HCRTR1: variants seen among roughly 807,000 people sequenced by gnomAD.
HCRTR1 encodes the protein orexin/Hypocretin receptor type 1.
A neutral mutation model predicts 40.6 loss-of-function variants in HCRTR1; 28 were observed. The observed-to-expected ratio is 0.69, with a 90% CI of 0.51 to 0.95. The LOEUF is 0.95. HCRTR1 is among the 40% of genes least tolerant of loss of function. The pLI is 0.00. For missense variants in HCRTR1, 482 were observed against 564.7 expected (o/e 0.85, Z 1.48); for synonymous variants, 209 against 230.0 (o/e 0.91, Z 0.83).
chr1:31,619,241 A>G lies in HCRTR1; in HGVS notation c.49A>G (p.Ser17Gly), dbSNP rs755833014. The change falls in exon 3 of 9, where the codon AGC (serine) becomes GGC (glycine). Residue 17 changes from serine to glycine, a missense_variant. Coordinates refer to ENST00000403528, the MANE Select transcript of HCRTR1 (RefSeq NM_001525.3). ...GGCCCAGATGGGGGTCCCCCCTGGCAGCAGAGAGCCGTCCCCTGTGCCTCC... is the reference window on the plus strand; with the variant it reads ...GGCCCAGATGGGGGTCCCCCCTGGCGGCAGAGAGCCGTCCCCTGTGCCTCC... Reference protein sequence around the residue: ...PGAQMGVPPGSREPSPVPPDY... With the variant: ...PGAQMGVPPGGREPSPVPPDY... 3.7e-6 allele frequency: 6 copies of G among 1,613,686 alleles called. No homozygotes were observed. Among genetic ancestry groups the G allele is most frequent in the Non-Finnish European group, 5.1e-6 (6 of 1,180,016 alleles).
intron 7 of HCRTR1, 141 bp downstream of exon 7, chr1:31,623,890 T>G: frequency 1.6e-6 from 1 of 630,170 alleles, no homozygotes; most frequent in Non-Finnish European, 2.8e-6. Context: ...TGAGCCTCCA[T>G]CTCCTAGGGC....
At position 31,621,356 on chromosome 1, in the gene HCRTR1, T is replaced by A. The variant is rs928572346; in HGVS notation, c.623-121T>A. The stretch of plus-strand genomic sequence containing the variant: ...GGGTCTCTGTCTGTCATGGTGGCTG[T>A]ATGGGGTCCAGCTGCTCCTAGGCCT... On this transcript the variant is annotated intron_variant, in intron 5 of 8. Transcript: ENST00000403528. The A allele has an allele frequency of 7.0e-6, 6 of 856,920 alleles. No homozygotes were observed. In the African/African-American group the frequency reaches 8.3e-5, roughly 12 times the overall value. The allele number at this position is 856,920 out of a possible 1,614,324, so 53.1% of individuals were successfully genotyped here.
At position 31,625,020 on chromosome 1, in the gene HCRTR1, C is replaced by T. The variant is rs564822689; in HGVS notation, c.989C>T (p.Ala330Val). Residue 330 changes from alanine to valine, a missense_variant, in exon 8 of 9, where the codon GCC (alanine) becomes GTC (valine). Coordinates refer to ENST00000403528, the MANE Select transcript of HCRTR1 (RefSeq NM_001525.3). The surrounding 1 kb of genome is among the most constrained non-coding windows in gnomAD (Gnocchi z 4.2). ...LKRVFGMFRQ[A>V]SDREAVYACF... is the part of the protein sequence containing the mutation. The stretch of plus-strand genomic sequence containing the variant: ...AGGGTGTTCGGGATGTTCCGCCAAG[C>T]CAGTGACCGCGAAGCTGTCTACGCC... The T allele has an allele frequency of 1.9e-6, 3 of 1,608,982 alleles. No individual in the cohort carries two copies. The highest frequency in any genetic ancestry group is 1.7e-4 in the Middle Eastern group (1 of 6,042).
downstream of HCRTR1, among the ~76,000 whole-genome samples, chr1:31,634,341 C>A (rs1165494202): frequency 3.3e-5 from 5 of 152,220 alleles, no homozygotes; most frequent in African/African-American, 1.2e-4. Context: ...AACCCTGGAT[C>A]TGATCCTTAC....
At chr1:31,630,898 A>G, downstream of HCRTR1, 2 of 1,376,630 alleles carry the variant, frequency 1.5e-6, no homozygotes, top group Admixed American at 1.9e-5. Context: ...GAGCACCTCC[A>G]TCAATCAGGA....
intron 6 of HCRTR1, among the ~76,000 whole-genome samples, chr1:31,621,883 T>C (rs1383551786): frequency 6.6e-6 from 1 of 152,176 alleles, no homozygotes; most frequent in African/African-American, 2.4e-5. Flanking sequence ...ACATTAAATA[T>C]ATGAGAAAAC....
At chr1:31,629,684 C>T (rs532002703), downstream of HCRTR1, among the ~76,000 whole-genome samples, 12 of 152,242 alleles carry the variant, frequency 7.9e-5, no homozygotes, top group Non-Finnish European at 4.4e-5. Flanking sequence ...CCCGGCAGGC[C>T]CCTCAGCTGG....
chr1:31,621,348 G>A (rs1639851832), intron 5 of HCRTR1, 129 bp from the exon 6 acceptor site: 1 of 836,400 alleles, frequency 1.2e-6, no homozygotes, highest in South Asian at 1.5e-5. Context: ...TGTCTGTCAT[G>A]GTGGCTGTAT....
chr1:31,625,800 CTT>C lies in HCRTR1; in HGVS notation c.1087+684_1087+685del. 6.6e-6 allele frequency among the ~76,000 whole-genome samples: 1 copy of C among 152,242 alleles called. No homozygotes were observed. Among genetic ancestry groups the C allele is most frequent in the South Asian group, 2.1e-4 (1 of 4,822 alleles). On this transcript the variant is annotated intron_variant, in intron 8 of 8. Transcript: ENST00000403528. The surrounding 1 kb of genome is among the most constrained non-coding windows in gnomAD (Gnocchi z 4.2). ...GAAGTCTGACTCACCAGCCCTCTGA[CTT>C]TGGGAATAGACTTCTAAAGAACAGG...
intron 7 of HCRTR1, 80 bp from the exon 8 acceptor site, chr1:31,624,916 CT>C: frequency 7.0e-7 from 1 of 1,434,146 alleles, no homozygotes; most frequent in East Asian, 2.5e-5. Context: ...CACTTTACAG[CT>C]CAGGTTCTGT....
downstream of HCRTR1, among the ~76,000 whole-genome samples, chr1:31,629,119 G>A (rs2148613617): frequency 6.6e-6 from 1 of 152,358 alleles, no homozygotes; most frequent in East Asian, 1.9e-4. Flanking sequence ...AGCTCTGGAT[G>A]GGGGCTGGCC....
downstream of HCRTR1, chr1:31,633,185 T>C (rs373796290): frequency 3.7e-6 from 6 of 1,614,040 alleles, no homozygotes; most frequent in Non-Finnish European, 5.1e-6. Flanking sequence ...GGTCTCATCA[T>C]TGAATGAAGA....
chr1:31,623,744 T>G lies in HCRTR1; in HGVS notation c.960T>G (p.Leu320=), dbSNP rs1489441431. The change falls in exon 7 of 9, where the codon CTT becomes CTG. Residue 320 remains leucine (L), a synonymous_variant. Transcript: ENST00000403528. ...CYLPISVLNV[L]KRVFGMFRQA... Reference sequence around the variant, plus strand: ...TGCCCATCAGCGTCCTCAATGTCCTTAAGAGGTGAGAGCACGGGGTATGGT... The same window carrying G: ...TGCCCATCAGCGTCCTCAATGTCCTGAAGAGGTGAGAGCACGGGGTATGGT... The G allele has an allele frequency of 1.2e-6, 2 of 1,612,780 alleles. No homozygotes were observed. Among genetic ancestry groups the G allele is most frequent in the East Asian group, 4.5e-5 (2 of 44,874 alleles).
At chr1:31,633,300 T>G, downstream of HCRTR1, 1 of 1,612,430 alleles carries the variant, frequency 6.2e-7, no homozygotes, top group East Asian at 2.2e-5. Context: ...GGATCCACAT[T>G]GGGAGGGGCG....
chr1:31,630,729 A>G, downstream of HCRTR1: 1 of 1,614,180 alleles, frequency 6.2e-7, no homozygotes, highest in Non-Finnish European at 8.5e-7. Context: ...AGCTGGGTGC[A>G]CACCTGGATG....
At position 31,625,197 on chromosome 1, in the gene HCRTR1, C is replaced by T; in HGVS notation, c.1087+79C>T. The T allele has an allele frequency of 7.0e-7, 1 of 1,432,492 alleles. No individual in the cohort carries two copies. The highest frequency in any genetic ancestry group is 9.3e-7 in the Non-Finnish European group (1 of 1,070,480). The allele number at this position is 1,432,492 out of a possible 1,614,324, so 88.7% of individuals were successfully genotyped here. On this transcript the variant is annotated intron_variant, in intron 8 of 8. Coordinates refer to ENST00000403528, the MANE Select transcript of HCRTR1 (RefSeq NM_001525.3). The surrounding 1 kb of genome is among the most constrained non-coding windows in gnomAD (Gnocchi z 4.2). Reference sequence around the variant, plus strand: ...AAGTCTCCCCATCCCCAAGCCAGGGCCCAAATAAAGGATGGTGGGTGAGGA... The same window carrying T: ...AAGTCTCCCCATCCCCAAGCCAGGGTCCAAATAAAGGATGGTGGGTGAGGA...
downstream of HCRTR1, among the ~76,000 whole-genome samples, chr1:31,628,377 G>A (rs184616115): frequency 2.6e-5 from 4 of 152,322 alleles, no homozygotes; most frequent in East Asian, 1.9e-4. Flanking sequence ...CTCTGTGGAC[G>A]GGGCAGAGCT....
At chr1:31,630,984 GGTCT>G (rs959580982), downstream of HCRTR1, 15 of 736,860 alleles carry the variant, frequency 2.0e-5, no homozygotes, top group Admixed American at 2.0e-4. Flanking sequence ...AAATCCCAAG[GGTCT>G]GTCTAAGATG....
Position 31,621,718 on chromosome 1 carries a change from G to GA in HCRTR1, c.738+127dup, listed in dbSNP as rs1294273251. ...ATGCCATCTTGGCTGCAACCAAAGA[G>GA]AGGGGAAGCCCAGAGACACGTCAAA... On this transcript the variant is annotated intron_variant, in intron 6 of 8. Coordinates refer to ENST00000403528, the MANE Select transcript of HCRTR1 (RefSeq NM_001525.3). 3 of 707,360 alleles carry GA rather than the reference G, an allele frequency of 4.2e-6. No homozygotes were observed. The African/African-American group carries it at 5.3e-5, about 12-fold the overall frequency. The allele number at this position is 707,360 out of a possible 1,614,324, so 43.8% of individuals were successfully genotyped here.
Sources: allele counts gnomAD v4.1 joint callset (sites outside exome capture counted in the v4.1 genomes callset), GRCh38; gene constraint gnomAD v4.1.1; non-coding constraint Gnocchi (gnomAD v3.1); transcripts MANE v1.5; gene names NCBI Gene and HGNC (gene_info 2026-07-23, HGNC 2026-07-21).